CYTH1: variants seen among roughly 807,000 people sequenced by gnomAD.
The protein encoded by CYTH1 is cytohesin 1, also known as cytohesin-1.
In CYTH1, 18 loss-of-function variants were observed where a neutral mutation model predicts 61.8. The observed-to-expected ratio is 0.29, with a 90% CI of 0.20 to 0.43. CYTH1 has a LOEUF of 0.43. Ranked by LOEUF, CYTH1 falls within the 20% of genes least tolerant of loss-of-function variation. The pLI is 1.00. For missense variants in CYTH1, 336 were observed against 510.5 expected (o/e 0.66, Z 3.29); for synonymous variants, 174 against 184.3 (o/e 0.94, Z 0.45).
chr17:78,768,063 T>C (rs1871935), intron 1 of CYTH1, among the ~76,000 whole-genome samples: 84,693 of 151,930 alleles, frequency 0.56, 23,658 homozygotes, highest in East Asian at 0.62. Context: ...CATATGAATG[T>C]TTTCATTCAA....
chr17:78,771,716 C>T lies in CYTH1; in HGVS notation c.22+10486G>A, dbSNP rs1203620329. 1.1e-3 allele frequency among the ~76,000 whole-genome samples: 151 copies of T among 139,150 alleles called. 1 individual carries two copies. The highest frequency in any genetic ancestry group is 1.1e-3 in the Admixed American group (15 of 13,062). The allele number at this position is 139,150 out of a possible 152,430, so 91.3% of individuals were successfully genotyped here. A position where few individuals can be genotyped will look rare whatever the true frequency, so the allele number is the denominator to read the frequency against. ...ATTGCACTCCAGCCTGGTGACAGAG[C>T]GAGATTCCATCTTAAAAAAAAAAAA... On this transcript the variant is annotated intron_variant, in intron 1 of 13. Transcript: ENST00000446868.
intron 1 of CYTH1, among the ~76,000 whole-genome samples, chr17:78,751,676 A>G (rs776973603): frequency 1.6e-4 from 24 of 152,236 alleles, no homozygotes; most frequent in Non-Finnish European, 3.2e-4. Context: ...GGTTACAAAT[A>G]AGCTTTAGTG....
At chr17:78,746,104 G>A (rs1360532386) in intron 1 of CYTH1, among the ~76,000 whole-genome samples, 1 of 152,118 alleles carries the variant, frequency 6.6e-6, no homozygotes, top group Non-Finnish European at 1.5e-5. Context: ...CTACTATACA[G>A]GCAGACATAG....
At chr17:78,714,665 C>A (rs2093166025) in intron 1 of CYTH1, among the ~76,000 whole-genome samples, 1 of 152,108 alleles carries the variant, frequency 6.6e-6, no homozygotes, top group African/African-American at 2.4e-5. Flanking sequence ...AACCCTACCC[C>A]AAGCAGGCTC....
At chr17:78,734,279 C>T (rs1020568406) in intron 1 of CYTH1, among the ~76,000 whole-genome samples, 9 of 151,188 alleles carry the variant, frequency 6.0e-5, no homozygotes, top group African/African-American at 1.7e-4. Context: ...CTGACATTAA[C>T]AAGATTAAAT....
At chr17:78,768,763 T>C (rs117303324) in intron 1 of CYTH1, among the ~76,000 whole-genome samples, 1,599 of 152,232 alleles carry the variant, frequency 0.011, 18 homozygotes, top group Non-Finnish European at 0.017. Flanking sequence ...CAGAAGAATC[T>C]TTCTAAAATG....
rs932864270 is a variant in CYTH1 at position 78,717,877 on chromosome 17, C to A, written c.23-8145G>T. ...TGAGGTCATCCAGCTGGCACCAGAC[C>A]CCTCTGCCTAGCTTTCAAATACATC... On this transcript the variant is annotated intron_variant, in intron 1 of 13. Coordinates refer to ENST00000446868, the MANE Select transcript of CYTH1 (RefSeq NM_004762.6). The surrounding 1 kb of genome is among the most constrained non-coding windows in gnomAD (Gnocchi z 4.4). Among the ~76,000 whole-genome samples the A allele has an allele frequency of 1.3e-4, 20 of 152,114 alleles. 1 individual carries two copies. Among genetic ancestry groups the A allele is most frequent in the Non-Finnish European group, 7.4e-5 (5 of 68,022 alleles).
intron 3 of CYTH1, among the ~76,000 whole-genome samples, chr17:78,705,345 A>G (rs981212664): frequency 2.0e-4 from 30 of 152,224 alleles, no homozygotes; most frequent in Admixed American, 1.3e-4. Context: ...CCCCACTTGG[A>G]GCCCCTATAG....
intron 1 of CYTH1, chr17:78,727,705 G>A (rs866284621): frequency 2.1e-6 from 1 of 471,030 alleles, no homozygotes; most frequent in Non-Finnish European, 4.4e-6. Context: ...GCCTCCTGGC[G>A]AGTGCATCCT....
intron 1 of CYTH1, among the ~76,000 whole-genome samples, chr17:78,724,436 C>A (rs1469189869): frequency 1.3e-5 from 2 of 152,190 alleles, no homozygotes; most frequent in Admixed American, 6.5e-5. Flanking sequence ...GTTCTTCAGT[C>A]TGGGCATTAC....
chr17:78,763,930 G>A (rs1381051787), intron 1 of CYTH1, among the ~76,000 whole-genome samples: 1 of 152,034 alleles, frequency 6.6e-6, no homozygotes, highest in Non-Finnish European at 1.5e-5. Flanking sequence ...GGCCAACATG[G>A]CCAAACCCTG....
chr17:78,718,708 T>C (rs776001039), intron 1 of CYTH1, among the ~76,000 whole-genome samples: 7 of 152,222 alleles, frequency 4.6e-5, no homozygotes, highest in Non-Finnish European at 1.0e-4. Context: ...GACATACCAA[T>C]GTTCAACAAA....
At chr17:78,688,803 T>C (rs1191801664) in intron 11 of CYTH1, among the ~76,000 whole-genome samples, 3 of 152,210 alleles carry the variant, frequency 2.0e-5, no homozygotes, top group Non-Finnish European at 4.4e-5. Context: ...TGTTGGGTAG[T>C]TGGTCACCAC....
intron 1 of CYTH1, among the ~76,000 whole-genome samples, chr17:78,733,919 G>T (rs1194711253): frequency 6.6e-6 from 1 of 152,202 alleles, no homozygotes; most frequent in East Asian, 1.9e-4. Context: ...CAAAGATTTT[G>T]GAATCTATCC....
chr17:78,723,864 A>C (rs2093250592), intron 1 of CYTH1: 1 of 152,360 alleles, frequency 6.6e-6, no homozygotes, highest in Non-Finnish European at 1.5e-5. Context: ...ACTGCCCCGC[A>C]TCAGGTCAGC....
chr17:78,739,950 T>G (rs2093335893), intron 1 of CYTH1, among the ~76,000 whole-genome samples: 1 of 152,148 alleles, frequency 6.6e-6, no homozygotes, highest in African/African-American at 2.4e-5. Context: ...TCTTTTTTTT[T>G]TCTGAGACTG....
intron 1 of CYTH1, among the ~76,000 whole-genome samples, chr17:78,730,863 A>C (rs978327086): frequency 3.3e-5 from 5 of 151,772 alleles, no homozygotes; most frequent in Non-Finnish European, 7.4e-5. Flanking sequence ...ATGGGGTTTC[A>C]CCGTGTTAGC....
In CYTH1 at chr17:78,695,974, G is replaced by A. The variant is rs755288575; in HGVS notation, c.814+33C>T. ...ATGCTGCAGTAATGACAGTGGCCTA[G>A]CAGAGCGAGCGAGCAGGCTGAGGGT... On this transcript the variant is annotated intron_variant, in intron 10 of 13. Transcript: ENST00000446868. 7.3e-6 allele frequency: 10 copies of A among 1,367,642 alleles called. No homozygotes were observed. The Admixed American group carries it at 1.9e-4, about 26-fold the overall frequency. The allele number at this position is 1,367,642 out of a possible 1,614,324, so 84.7% of individuals were successfully genotyped here. A position where few individuals can be genotyped will look rare whatever the true frequency, so the allele number is the denominator to read the frequency against.
chr17:78,759,762 G>A (rs1396029270), intron 1 of CYTH1, among the ~76,000 whole-genome samples: 2 of 152,118 alleles, frequency 1.3e-5, no homozygotes, highest in Admixed American at 1.3e-4. Context: ...AATCATGGAC[G>A]CACAAATTCT....
Sources: allele counts gnomAD v4.1 joint callset (sites outside exome capture counted in the v4.1 genomes callset), GRCh38; gene constraint gnomAD v4.1.1; non-coding constraint Gnocchi (gnomAD v3.1); transcripts MANE v1.5; gene names NCBI Gene and HGNC (gene_info 2026-07-23, HGNC 2026-07-21).